CAMK1D: variants seen among roughly 807,000 people sequenced by gnomAD.
CAMK1D encodes calcium/calmodulin dependent protein kinase ID.
A neutral mutation model predicts 47.7 loss-of-function variants in CAMK1D; 9 were observed. The ratio of observed to expected loss-of-function variants is 0.19; its 90% CI spans 0.11 to 0.33. CAMK1D has a LOEUF of 0.33. CAMK1D is among the 10% of genes least tolerant of loss of function. The pLI is 1.00. For synonymous variants in CAMK1D, 184 were observed against 184.9 expected, an observed-to-expected ratio of 0.99 and a Z score of 0.04; for missense variants, 291 against 488.7, an observed-to-expected ratio of 0.60 and a Z score of 3.81.
chr10:12,545,948 G>A (rs966784775), intron 1 of CAMK1D, among the ~76,000 whole-genome samples: 3 of 152,148 alleles, frequency 2.0e-5, no homozygotes, highest in Admixed American at 6.5e-5. Context: ...GCTGTTCAGC[G>A]GTGTGGTTGG....
intron 3 of CAMK1D, among the ~76,000 whole-genome samples, chr10:12,669,960 G>A (rs184408664): frequency 3.6e-4 from 55 of 151,910 alleles, no homozygotes; most frequent in Middle Eastern, 3.4e-3. Flanking sequence ...CCCAGTTGGC[G>A]GACTCTATCG....
intron 1 of CAMK1D, among the ~76,000 whole-genome samples, chr10:12,421,422 G>C (rs1306417177): frequency 6.7e-6 from 1 of 148,718 alleles, no homozygotes; most frequent in Non-Finnish European, 1.5e-5. Context: ...AGTCCAGCCA[G>C]AATGATCAAA....
chr10:12,438,184 A>C (rs1432471802), intron 1 of CAMK1D, among the ~76,000 whole-genome samples: 1 of 152,206 alleles, frequency 6.6e-6, no homozygotes, highest in East Asian at 1.9e-4. Flanking sequence ...TGCACACCTC[A>C]TGATGGACCA....
intron 1 of CAMK1D, among the ~76,000 whole-genome samples, chr10:12,415,338 G>C (rs909699771): frequency 1.3e-5 from 2 of 151,666 alleles, no homozygotes; most frequent in African/African-American, 4.8e-5. Context: ...GCCCAGGCTG[G>C]AGTGCAGTAG....
At chr10:12,414,128 TA>T (rs1280800633) in intron 1 of CAMK1D, among the ~76,000 whole-genome samples, 1 of 152,188 alleles carries the variant, frequency 6.6e-6, no homozygotes, top group African/African-American at 2.4e-5. Flanking sequence ...CTGAAAACCA[TA>T]ATATAATAAA....
At chr10:12,400,163 G>C (rs901597193) in intron 1 of CAMK1D, among the ~76,000 whole-genome samples, 1 of 152,148 alleles carries the variant, frequency 6.6e-6, no homozygotes, top group African/African-American at 2.4e-5. Context: ...ATAATGTCTA[G>C]GTAGGTAGGT....
intron 3 of CAMK1D, among the ~76,000 whole-genome samples, chr10:12,669,282 A>G (rs1186996751): frequency 6.6e-6 from 1 of 152,108 alleles, no homozygotes; most frequent in Admixed American, 6.5e-5. Context: ...TATGGGGCAC[A>G]CTCATTAAGA....
At chr10:12,671,376 A>C (rs899156480) in intron 3 of CAMK1D, among the ~76,000 whole-genome samples, 4 of 150,810 alleles carry the variant, frequency 2.7e-5, no homozygotes, top group Admixed American at 2.0e-4. Context: ...TTGAGAACTC[A>C]TCAAACTATT....
In CAMK1D at chr10:12,805,855, C is replaced by T. The variant is rs116068732; in HGVS notation, c.642-8340C>T. ...GCACATGCTGTGTACTGGTATAGGA[C>T]CAGGGTTGCAAAAAGGAATGAGGCA... On this transcript the variant is annotated intron_variant, in intron 6 of 10. Transcript: ENST00000619168. Among the ~76,000 whole-genome samples, 456 of 152,236 alleles carry T rather than the reference C, an allele frequency of 3.0e-3. 1 individual carries two copies. The highest frequency in any genetic ancestry group is 0.01 in the African/African-American group (422 of 41,534).
At chr10:12,390,579 G>A (rs138754659) in intron 1 of CAMK1D, among the ~76,000 whole-genome samples, 38 of 152,336 alleles carry the variant, frequency 2.5e-4, no homozygotes, top group African/African-American at 8.9e-4. Context: ...GGGTAGAATA[G>A]GGTCCATTGT....
At chr10:12,554,640 G>C (rs1836703196) in intron 2 of CAMK1D, among the ~76,000 whole-genome samples, 1 of 151,994 alleles carries the variant, frequency 6.6e-6, no homozygotes, top group Non-Finnish European at 1.5e-5. Context: ...GAGCTCAAGT[G>C]ATCTTCCCAC....
intron 1 of CAMK1D, among the ~76,000 whole-genome samples, chr10:12,499,069 CTTTT>C (rs35158100): frequency 4.9e-5 from 6 of 123,102 alleles, no homozygotes; most frequent in Non-Finnish European, 5.2e-5. Flanking sequence ...TAAATTACAG[CTTTT>C]TTTTTTTTTT....
intron 2 of CAMK1D, among the ~76,000 whole-genome samples, chr10:12,555,530 GA>G (rs1235614841): frequency 1.3e-5 from 2 of 152,196 alleles, no homozygotes; most frequent in Admixed American, 1.3e-4. Flanking sequence ...GAGAATCTGG[GA>G]AAACAAATTA....
chr10:12,715,874 T>C (rs1834113101), intron 3 of CAMK1D, among the ~76,000 whole-genome samples: 1 of 151,970 alleles, frequency 6.6e-6, no homozygotes, highest in Non-Finnish European at 1.5e-5. Context: ...GATGCCTAGC[T>C]AATTTCTGTA....
At chr10:12,734,421 T>C (rs71489182) in intron 3 of CAMK1D, among the ~76,000 whole-genome samples, 70,707 of 79,290 alleles carry the variant, frequency 0.89, 31,860 homozygotes, top group East Asian at 0.99. Context: ...CACACACACA[T>C]GTATATATAT....
intron 1 of CAMK1D, among the ~76,000 whole-genome samples, chr10:12,377,337 G>C (rs976898708): frequency 1.3e-5 from 2 of 152,188 alleles, no homozygotes; most frequent in Non-Finnish European, 2.9e-5. Flanking sequence ...CAGATATCCA[G>C]AGATTCAGAC....
At chr10:12,713,081 T>A (rs1428836027) in intron 3 of CAMK1D, among the ~76,000 whole-genome samples, 1 of 152,178 alleles carries the variant, frequency 6.6e-6, no homozygotes, top group Non-Finnish European at 1.5e-5. Context: ...GCCTCCCTTT[T>A]TTTTTTGGGA....
At chr10:12,816,386 C>A in intron 8 of CAMK1D, 58 bp downstream of exon 8, 1 of 1,349,862 alleles carries the variant, frequency 7.4e-7, no homozygotes, top group Non-Finnish European at 1.0e-6. Flanking sequence ...GGGGGGGGCA[C>A]GAAACTTCCT....
intron 2 of CAMK1D, among the ~76,000 whole-genome samples, chr10:12,662,428 C>T (rs952739663): frequency 2.0e-5 from 3 of 152,108 alleles, no homozygotes; most frequent in Admixed American, 6.5e-5. Context: ...CCGAGATGGG[C>T]GGATCACGAG....
Sources: allele counts gnomAD v4.1 joint callset (sites outside exome capture counted in the v4.1 genomes callset), GRCh38; gene constraint gnomAD v4.1.1; transcripts MANE v1.5; gene names NCBI Gene and HGNC (gene_info 2026-07-23, HGNC 2026-07-21).